PEBP4: variants seen among roughly 807,000 people sequenced by gnomAD.
PEBP4 encodes the protein phosphatidylethanolamine-binding protein 4.
PEBP4 carries 22 observed loss-of-function variants against 23.9 expected under a neutral mutation model. That is an observed-to-expected ratio of 0.92 (90% CI 0.66 to 1.31). PEBP4 has a LOEUF of 1.31. Ranked by LOEUF, PEBP4 falls within the 40% of genes most tolerant of loss-of-function variation. The pLI is 0.00. For missense variants in PEBP4, 324 were observed against 281.7 expected (o/e 1.15, Z -1.07); for synonymous variants, 112 against 99.3 (o/e 1.13, Z -0.76).
At chr8:22,860,205 T>C (rs56083243) in intron 3 of PEBP4, among the ~76,000 whole-genome samples, 4,949 of 97,916 alleles carry the variant, frequency 0.051, 218 homozygotes, top group African/African-American at 0.12. Context: ...TATATATATA[T>C]ACACATATAT....
At chr8:22,848,384 G>A (rs1333412925) in intron 3 of PEBP4, among the ~76,000 whole-genome samples, 1 of 152,066 alleles carries the variant, frequency 6.6e-6, no homozygotes, top group African/African-American at 2.4e-5. Flanking sequence ...GCAGGGTGGT[G>A]GCGATGTGGG....
intron 3 of PEBP4, among the ~76,000 whole-genome samples, chr8:22,918,226 C>CATAAACT (rs1809119674): frequency 1.3e-5 from 2 of 152,198 alleles, no homozygotes. Context: ...GTTACATTTC[C>CATAAACT]ATAAACTATA....
At chr8:22,801,577 G>T (rs920132186) in intron 4 of PEBP4, among the ~76,000 whole-genome samples, 3 of 152,152 alleles carry the variant, frequency 2.0e-5, no homozygotes, top group African/African-American at 4.8e-5. Context: ...CCTTCAGGCT[G>T]GTTCCCAAAG....
chr8:22,853,051 AC>A (rs1807578557), intron 3 of PEBP4, among the ~76,000 whole-genome samples: 2 of 152,072 alleles, frequency 1.3e-5, no homozygotes, highest in Admixed American at 6.5e-5. Context: ...GGGGTCACTC[AC>A]CTCCAGCCCC....
intron 3 of PEBP4, 63 bp downstream of exon 3, chr8:22,920,121 A>G: frequency 7.6e-6 from 12 of 1,573,536 alleles, no homozygotes; most frequent in Non-Finnish European, 1.0e-5. Flanking sequence ...CAGATGAGCA[A>G]GCCTGGAGGA....
intron 4 of PEBP4, among the ~76,000 whole-genome samples, chr8:22,764,365 T>C (rs1043262176): frequency 2.0e-5 from 3 of 152,164 alleles, no homozygotes; most frequent in Non-Finnish European, 2.9e-5. Context: ...GGTTACTCTC[T>C]GTGGAGGTGT....
intron 4 of PEBP4, among the ~76,000 whole-genome samples, chr8:22,809,391 A>T (rs749575090): frequency 6.6e-6 from 1 of 152,104 alleles, no homozygotes; most frequent in Non-Finnish European, 1.5e-5. Flanking sequence ...CACCAATCTC[A>T]AACCAAACTG....
upstream of PEBP4, chr8:22,927,919 C>A: frequency 1.7e-6 from 1 of 578,336 alleles, no homozygotes; most frequent in Non-Finnish European, 2.9e-6. Flanking sequence ...AGGACTGGGC[C>A]TCTTCCAAGT....
rs751791232 is a variant in PEBP4, at chr8:22,889,197, G to A, written c.258+30987C>T. Among the ~76,000 whole-genome samples, 8 of 152,204 alleles carry A rather than the reference G, an allele frequency of 5.3e-5. No individual in the cohort carries two copies. In the South Asian group the frequency reaches 1.0e-3, roughly 20 times the overall value. ...GCCTGAGTTTGCACAGCTACAAAATGGGGATAATTTTCCTACCATACAGGA... is the reference window on the plus strand; with the variant it reads ...GCCTGAGTTTGCACAGCTACAAAATAGGGATAATTTTCCTACCATACAGGA... On this transcript the variant is annotated intron_variant, in intron 3 of 6. Coordinates refer to ENST00000256404, the MANE Select transcript of PEBP4 (RefSeq NM_144962.3).
intron 3 of PEBP4, among the ~76,000 whole-genome samples, chr8:22,827,854 G>T (rs1186452952): frequency 6.6e-6 from 1 of 152,136 alleles, no homozygotes; most frequent in East Asian, 1.9e-4. Context: ...CCACCAGAAG[G>T]TTCTAGTTTC....
chr8:22,740,970 A>G (rs1804977808), intron 4 of PEBP4, among the ~76,000 whole-genome samples: 2 of 151,880 alleles, frequency 1.3e-5, no homozygotes, highest in Non-Finnish European at 2.9e-5. Flanking sequence ...CCCCCCACCT[A>G]CCCTACGTGA....
chr8:22,845,612 T>G (rs1396003394), intron 3 of PEBP4, among the ~76,000 whole-genome samples: 1 of 152,160 alleles, frequency 6.6e-6, no homozygotes, highest in African/African-American at 2.4e-5. Context: ...CATGAGTCTG[T>G]GTATTTTGGC....
intron 4 of PEBP4, among the ~76,000 whole-genome samples, chr8:22,747,166 A>G (rs1805139893): frequency 6.6e-6 from 1 of 152,264 alleles, no homozygotes; most frequent in South Asian, 2.1e-4. Flanking sequence ...GGCTACCACA[A>G]GTGAAATTAT....
At chr8:22,743,774 C>T (rs1805050812) in intron 4 of PEBP4, among the ~76,000 whole-genome samples, 1 of 152,208 alleles carries the variant, frequency 6.6e-6, no homozygotes, top group Non-Finnish European at 1.5e-5. Context: ...CCGGCAGCAC[C>T]ACGCCCCTTT....
intron 3 of PEBP4, among the ~76,000 whole-genome samples, chr8:22,833,494 G>A (rs892126027): frequency 6.6e-6 from 1 of 152,196 alleles, no homozygotes; most frequent in South Asian, 2.1e-4. Context: ...ACCACGCCCA[G>A]CTGATGTTTG....
In PEBP4 at chr8:22,848,048, C is replaced by G. The variant is rs181435090; in HGVS notation, c.259-30313G>C. 6.4e-4 allele frequency among the ~76,000 whole-genome samples: 98 copies of G among 152,130 alleles called. No individual in the cohort carries two copies. The Middle Eastern group carries it at 0.01, about 16-fold the overall frequency. ...GCTAAAGCTCTCTCTCTCTCTCTGT[C>G]GCTTTCTCTTTTGGGGGGAATTCAA... On this transcript the variant is annotated intron_variant, in intron 3 of 6. Coordinates refer to ENST00000256404, the MANE Select transcript of PEBP4 (RefSeq NM_144962.3).
At position 22,775,483 on chromosome 8, in the gene PEBP4, G is replaced by A. The variant is rs1361454176; in HGVS notation, c.357+42154C>T. Among the ~76,000 whole-genome samples the A allele has an allele frequency of 6.6e-6, 1 of 152,280 alleles. No homozygotes were observed. The highest frequency in any genetic ancestry group is 1.9e-4 in the East Asian group (1 of 5,172). ...GTGGGTGGTGTTCACGTATGGAGGG[G>A]GGGGATTTCTTTTTAAGAGACAAGG... On this transcript the variant is annotated intron_variant, in intron 4 of 6. Coordinates refer to ENST00000256404, the MANE Select transcript of PEBP4 (RefSeq NM_144962.3). The surrounding 1 kb of genome is among the most constrained non-coding windows in gnomAD (Gnocchi z 4.8).
intron 3 of PEBP4, chr8:22,880,643 G>C (rs555798313): frequency 1.5e-4 from 23 of 152,702 alleles, no homozygotes; most frequent in African/African-American, 5.5e-4. Context: ...CAGGTGGCCC[G>C]TGCCCTCCTC....
intron 3 of PEBP4, among the ~76,000 whole-genome samples, chr8:22,913,985 CTTTTTTTTTTTTTTTT>C (rs1165242168): frequency 1.6e-5 from 2 of 123,120 alleles, no homozygotes; most frequent in African/African-American, 6.3e-5. Flanking sequence ...GGCCTGGCTA[CTTTTTTTTTTTTTTTT>C]TTTTGAGACA....
Sources: gnomAD v4.1 joint callset for allele counts (sites outside exome capture counted in the v4.1 genomes callset) on GRCh38, gnomAD v4.1.1 for gene constraint, Gnocchi (gnomAD v3.1) non-coding constraint, MANE v1.5 for transcripts, NCBI Gene and HGNC (gene_info 2026-07-23, HGNC 2026-07-21) for gene names.